Variants in ZNF462 observed in about 807,000 individuals in gnomAD.
ZNF462 encodes zinc finger protein 462.
Under a neutral mutation model 201.9 loss-of-function variants are expected in ZNF462, and 10 were observed. The observed-to-expected ratio is 0.05, with a 90% CI of 0.03 to 0.08. The LOEUF (loss-of-function observed/expected upper bound fraction) is 0.08, where lower values mean the gene tolerates loss of function less well. ZNF462 is among the 10% of genes least tolerant of loss of function. The pLI, the probability that ZNF462 is intolerant of heterozygous loss-of-function variation, is 1.00. For missense variants in ZNF462, 2,523 were observed against 3,168.3 expected (o/e 0.80, Z 4.89); for synonymous variants, 1,227 against 1,193.3 (o/e 1.03, Z -0.58).
chr9:106,899,383 G>T (rs560029975), intron 1 of ZNF462, among the ~76,000 whole-genome samples: 50 of 152,228 alleles, frequency 3.3e-4, no homozygotes, highest in Admixed American at 1.0e-3. Context: ...CGCAGATGAG[G>T]CAGTGAGGAC....
In ZNF462 at chr9:106,895,439, C is replaced by T. The variant is rs1468201433; in HGVS notation, c.-30-27915C>T. ...TCTCTTCCCTGGACCATCTCAGCAG[C>T]TGCTTAGCAGCCTGTTTCCCACCAT... On this transcript the variant is annotated intron_variant, in intron 1 of 12. Transcript: ENST00000277225. This position sits in a 1 kb window ranked among gnomAD's most constrained non-coding sequence, Gnocchi z 4.4. Among the ~76,000 whole-genome samples the T allele has an allele frequency of 2.0e-5, 3 of 152,206 alleles. No individual in the cohort carries two copies. The highest frequency in any genetic ancestry group is 2.0e-4 in the Admixed American group (3 of 15,284).
chr9:106,984,498 G>A lies in ZNF462; in HGVS notation c.7056+89G>A, dbSNP rs758405361. ...ACCACTGCATTTAGTCACGACCACT[G>A]TGTACCAGATGGAGATGTGGACTCA... is the stretch of plus-strand genomic sequence containing the variant. On this transcript the variant is annotated intron_variant, in intron 10 of 12. Transcript: ENST00000277225. This position sits in a 1 kb window ranked among gnomAD's most constrained non-coding sequence, Gnocchi z 6.4. 33 of 1,014,162 alleles carry A rather than the reference G, an allele frequency of 3.3e-5. No homozygotes were observed. Among genetic ancestry groups the A allele is most frequent in the Non-Finnish European group, 4.5e-5 (31 of 684,194 alleles). 62.8% of individuals were successfully genotyped at this position (1,014,162 alleles called of 1,614,324 possible). A position where few individuals can be genotyped will look rare whatever the true frequency, so the allele number is the denominator to read the frequency against.
At chr9:106,948,525 G>A (rs1422595797) in intron 7 of ZNF462, among the ~76,000 whole-genome samples, 5 of 152,076 alleles carry the variant, frequency 3.3e-5, no homozygotes, top group African/African-American at 4.8e-5. Context: ...CAGCTTTATG[G>A]CAATACATAA....
At chr9:107,000,979 G>A (rs1157361073) in intron 10 of ZNF462, among the ~76,000 whole-genome samples, 1 of 152,062 alleles carries the variant, frequency 6.6e-6, no homozygotes, top group Non-Finnish European at 1.5e-5. Context: ...TAAAACAACT[G>A]GATTAAAGCA....
rs1454459516 is a variant in ZNF462, at chr9:106,950,543, C to T, written c.6427+11436C>T. 5.9e-5 allele frequency among the ~76,000 whole-genome samples: 9 copies of T among 152,134 alleles called. No homozygotes were observed. Among genetic ancestry groups the T allele is most frequent in the South Asian group, 2.1e-4 (1 of 4,830 alleles). On this transcript the variant is annotated intron_variant, in intron 7 of 12. Transcript: ENST00000277225. The surrounding 1 kb of genome is among the most constrained non-coding windows in gnomAD (Gnocchi z 4.1). The stretch of plus-strand genomic sequence containing the variant: ...GGAAAGATGAGGAAATTCACATCTA[C>T]CTTGCATGTAAGCAAGAGTAATGCC...
In ZNF462 at chr9:106,890,945, G is replaced by T. The variant is rs1312954853; in HGVS notation, c.-31+27590G>T. 6.6e-6 allele frequency among the ~76,000 whole-genome samples: 1 copy of T among 152,134 alleles called. No homozygotes were observed. Among genetic ancestry groups the T allele is most frequent in the African/African-American group, 2.4e-5 (1 of 41,430 alleles). On this transcript the variant is annotated intron_variant, in intron 1 of 12. Coordinates refer to ENST00000277225, the MANE Select transcript of ZNF462 (RefSeq NM_021224.6). This position sits in a 1 kb window ranked among gnomAD's most constrained non-coding sequence, Gnocchi z 4.2. ...CTGATGGTTTTCTTTGTACCTTTCT[G>T]GTTGAGTAAAGAATAAGATAGTCTT... is the stretch of plus-strand genomic sequence containing the variant.
Position 106,930,739 on chromosome 9 carries a change from A to G in ZNF462, c.6012+50A>G. 6.2e-7 allele frequency: 1 copy of G among 1,603,626 alleles called. No individual in the cohort carries two copies. Among genetic ancestry groups the G allele is most frequent in the Non-Finnish European group, 8.5e-7 (1 of 1,173,394 alleles). ...GCATTGTGTGTGAGCGATTCGAGTT[A>G]CTTATTAACCCCATTGCCTAAAGCA... On this transcript the variant is annotated intron_variant, in intron 4 of 12. Coordinates refer to ENST00000277225, the MANE Select transcript of ZNF462 (RefSeq NM_021224.6). This position sits in a 1 kb window ranked among gnomAD's most constrained non-coding sequence, Gnocchi z 5.8.
intron 7 of ZNF462, among the ~76,000 whole-genome samples, chr9:106,946,522 G>C (rs982067793): frequency 3.0e-4 from 45 of 152,266 alleles, no homozygotes; most frequent in Non-Finnish European, 5.7e-4. Flanking sequence ...TGTTCTGTGT[G>C]AGAGGATTTT....
At chr9:106,869,937 T>C (rs1237443201) in intron 1 of ZNF462, among the ~76,000 whole-genome samples, 1 of 152,188 alleles carries the variant, frequency 6.6e-6, no homozygotes, top group Non-Finnish European at 1.5e-5. Flanking sequence ...CCTTGAACTT[T>C]GCATTTGGAG....
At chr9:106,912,034 G>A (rs1048405197) in intron 1 of ZNF462, among the ~76,000 whole-genome samples, 19 of 152,154 alleles carry the variant, frequency 1.2e-4, no homozygotes, top group African/African-American at 4.6e-4. Flanking sequence ...TCCACAAAGA[G>A]GCTGGCTTTT....
chr9:106,954,106 C>T lies in ZNF462; in HGVS notation c.6427+14999C>T, dbSNP rs1831472563. ...TCAAATCATCCTCCTATTCAGAAGT[C>T]TTTAACAGCTCTGCATGGCCTGTGT... On this transcript the variant is annotated intron_variant, in intron 7 of 12. Coordinates refer to ENST00000277225, the MANE Select transcript of ZNF462 (RefSeq NM_021224.6). This position sits in a 1 kb window ranked among gnomAD's most constrained non-coding sequence, Gnocchi z 4.0. Among the ~76,000 whole-genome samples the T allele has an allele frequency of 6.6e-6, 1 of 152,152 alleles. No homozygotes were observed. Among genetic ancestry groups the T allele is most frequent in the South Asian group, 2.1e-4 (1 of 4,830 alleles).
chr9:106,860,808 T>A (rs1249229301), upstream of ZNF462, among the ~76,000 whole-genome samples: 3 of 151,900 alleles, frequency 2.0e-5, no homozygotes, highest in African/African-American at 7.3e-5. The surrounding 1 kb of genome is among the most constrained non-coding windows in gnomAD (Gnocchi z 7.1). Flanking sequence ...CGGGTCCCGG[T>A]GGGGAGGAGC....
chr9:106,942,201 G>A (rs188918213), intron 7 of ZNF462, among the ~76,000 whole-genome samples: 1 of 152,340 alleles, frequency 6.6e-6, no homozygotes, highest in East Asian at 1.9e-4. Flanking sequence ...ATTTGCAGTG[G>A]TCAAATGCTT....
At chr9:106,922,748 A>C (rs914401617) in intron 1 of ZNF462, among the ~76,000 whole-genome samples, 4 of 152,224 alleles carry the variant, frequency 2.6e-5, no homozygotes, top group Non-Finnish European at 5.9e-5. Flanking sequence ...ACCCACAACT[A>C]AACTATTTGG....
At position 106,903,655 on chromosome 9, in the gene ZNF462, G is replaced by C. The variant is rs937298616; in HGVS notation, c.-30-19699G>C. Among the ~76,000 whole-genome samples the C allele has an allele frequency of 3.9e-5, 6 of 152,226 alleles. No individual in the cohort carries two copies. In the South Asian group the frequency reaches 8.3e-4, roughly 21 times the overall value. On this transcript the variant is annotated intron_variant, in intron 1 of 12. Transcript: ENST00000277225. ...ATTGTGATATTTTCCTGTTAGACAA[G>C]GCCTTTTACCATTGTATACTGTCCC... is the stretch of plus-strand genomic sequence containing the variant.
chr9:106,873,062 A>G (rs1827666444), intron 1 of ZNF462, among the ~76,000 whole-genome samples: 1 of 152,302 alleles, frequency 6.6e-6, no homozygotes, highest in Admixed American at 6.5e-5. Context: ...CTCTCAGCTG[A>G]TGGGACCCGG....
At position 106,997,649 on chromosome 9, in the gene ZNF462, G is replaced by A. The variant is rs149249026; in HGVS notation, c.7057-5645G>A. ...TTTGACCATCTTGCTGTAAGAAATC[G>A]TAGAGACAATACTTTGCTGAATCTT... On this transcript the variant is annotated intron_variant, in intron 10 of 12. Transcript: ENST00000277225. Among the ~76,000 whole-genome samples, 517 of 152,144 alleles carry A rather than the reference G, an allele frequency of 3.4e-3. 3 individuals are homozygous for A. Among genetic ancestry groups the A allele is most frequent in the African/African-American group, 0.011 (451 of 41,526 alleles).
In ZNF462 at chr9:107,010,595, T is replaced by G. The variant is rs2132812094; in HGVS notation, c.7314-228T>G. Among the ~76,000 whole-genome samples the G allele has an allele frequency of 6.6e-6, 1 of 152,274 alleles. No homozygotes were observed. The highest frequency in any genetic ancestry group is 3.4e-3 in the Middle Eastern group (1 of 294). Reference sequence around the variant, plus strand: ...TATATAGTATAATAATGGATACTTCTGTAAGTTCAAATCTTTAAGATACAG... The same window carrying G: ...TATATAGTATAATAATGGATACTTCGGTAAGTTCAAATCTTTAAGATACAG... On this transcript the variant is annotated intron_variant, in intron 12 of 12. Transcript: ENST00000277225. The surrounding 1 kb of genome is among the most constrained non-coding windows in gnomAD (Gnocchi z 4.6).
chr9:106,864,625 C>G (rs531194950), intron 1 of ZNF462, among the ~76,000 whole-genome samples: 1 of 152,220 alleles, frequency 6.6e-6, no homozygotes, highest in South Asian at 2.1e-4. Flanking sequence ...ATTGTGGCTT[C>G]TAACCTACAG....
Sources: allele counts gnomAD v4.1 joint callset (sites outside exome capture counted in the v4.1 genomes callset), GRCh38; gene constraint gnomAD v4.1.1; non-coding constraint Gnocchi (gnomAD v3.1); transcripts MANE v1.5; gene names NCBI Gene and HGNC (gene_info 2026-07-23, HGNC 2026-07-21).